Variants in CIT observed in about 807,000 individuals in gnomAD.
The protein encoded by CIT is citron Rho-interacting kinase.
Under a neutral mutation model 272.7 loss-of-function variants are expected in CIT, and 79 were observed. That is an observed-to-expected ratio of 0.29 (90% CI 0.24 to 0.35). The LOEUF (loss-of-function observed/expected upper bound fraction) is 0.35, where lower values mean the gene tolerates loss of function less well. CIT is among the 10% of genes least tolerant of loss of function. The pLI, the probability that CIT is intolerant of heterozygous loss-of-function variation, is 1.00. For synonymous variants in CIT, 948 were observed against 995.6 expected (o/e 0.95, Z 0.90); for missense variants, 1,909 against 2,618.3 (o/e 0.73, Z 5.91).
chr12:119,689,193 AC>A (rs869034203), intron 47 of CIT, among the ~76,000 whole-genome samples: 2 of 65,490 alleles, frequency 3.1e-5, no homozygotes, highest in Non-Finnish European at 6.7e-5. Context: ...ACAAAACAAA[AC>A]AAACAAACAA....
chr12:119,698,095 G>T, intron 44 of CIT, 41 bp from the exon 45 acceptor site: 1 of 1,567,962 alleles, frequency 6.4e-7, no homozygotes, highest in Non-Finnish European at 8.8e-7. Flanking sequence ...GCCAAAGAAT[G>T]GTGAAAAGAG....
Position 119,822,972 on chromosome 12 carries a change from C to T in CIT, c.959G>A (p.Arg320Gln), listed in dbSNP as rs766974570. 1.0e-5 allele frequency: 16 copies of T among 1,599,912 alleles called. 1 individual carries two copies. In the South Asian group the frequency reaches 1.1e-4, roughly 11 times the overall value. ...GGGGTCATCTGGAAATTTCAAAAAC[C>T]GCTGTTCCAAAAAAAATAAGAGAAT... is the stretch of plus-strand genomic sequence containing the variant. ...RTFNNIMNFQ[R>Q]FLKFPDDPKV... The change falls in exon 9 of 48, where the codon CGG becomes CAG. Residue 320 changes from arginine (R) to glutamine (Q), a missense_variant and splice_region_variant. Arg to Gln is a conservative substitution (Grantham distance 43, BLOSUM62 1). This residue lies in a region of CIT where 529 missense variants were observed against 549.6 expected (regional missense o/e 0.96). Coordinates refer to ENST00000392521, the MANE Select transcript of CIT (RefSeq NM_001206999.2).
intron 12 of CIT, 128 bp downstream of exon 12, chr12:119,783,780 G>A: frequency 7.6e-6 from 9 of 1,189,876 alleles, no homozygotes; most frequent in Non-Finnish European, 1.0e-5. Context: ...TCTTGCTTTT[G>A]TGCTCTCCCT....
chr12:119,783,690 T>G (rs1381273655), intron 12 of CIT: 1 of 479,076 alleles, frequency 2.1e-6, no homozygotes, highest in Non-Finnish European at 3.6e-6. Flanking sequence ...GCCGTCTACC[T>G]GCACTTTCTG....
At chr12:119,821,115 G>C (rs538582434) in intron 9 of CIT, among the ~76,000 whole-genome samples, 943 of 86,798 alleles carry the variant, frequency 0.011, 10 homozygotes, top group African/African-American at 0.034. Flanking sequence ...GACCAACATG[G>C]AAAAACCCTG....
intron 3 of CIT, among the ~76,000 whole-genome samples, chr12:119,863,201 CA>C (rs751421292): frequency 0.031 from 1,242 of 40,526 alleles, 6 homozygotes; most frequent in Non-Finnish European, 0.046. Flanking sequence ...GACTCTGTAT[CA>C]AAAAAAAAAA....
chr12:119,845,459 C>T (rs1293104347), intron 5 of CIT, among the ~76,000 whole-genome samples: 1 of 151,646 alleles, frequency 6.6e-6, no homozygotes, highest in Non-Finnish European at 1.5e-5. Flanking sequence ...TAGAAACCAG[C>T]CTGGCCAACA....
At position 119,710,058 on chromosome 12, in the gene CIT, C is replaced by A. The variant is rs1565919632; in HGVS notation, c.5071+193G>T. Among the ~76,000 whole-genome samples, 1 of 152,100 alleles carries A rather than the reference C, an allele frequency of 6.6e-6. No individual in the cohort carries two copies. The highest frequency in any genetic ancestry group is 1.5e-5 in the Non-Finnish European group (1 of 68,034). Reference sequence around the variant, plus strand: ...TTTGGGAATGTCAGACTGTGCTAAACTGGATACTGGAAGGGAACTGAATCT... The same window carrying A: ...TTTGGGAATGTCAGACTGTGCTAAAATGGATACTGGAAGGGAACTGAATCT... On this transcript the variant is annotated intron_variant, in intron 39 of 47. Coordinates refer to ENST00000392521, the MANE Select transcript of CIT (RefSeq NM_001206999.2). This position sits in a 1 kb window ranked among gnomAD's most constrained non-coding sequence, Gnocchi z 5.6.
chr12:119,765,375 A>G (rs59595036), intron 19 of CIT, among the ~76,000 whole-genome samples: 11,230 of 145,804 alleles, frequency 0.077, 1,048 homozygotes, highest in African/African-American at 0.22. Flanking sequence ...TATTATATAT[A>G]ATATAATATA....
intron 18 of CIT, among the ~76,000 whole-genome samples, chr12:119,769,517 A>G (rs1962845505): frequency 6.6e-6 from 1 of 152,240 alleles, no homozygotes; most frequent in African/African-American, 2.4e-5. Flanking sequence ...AAACAGAGAA[A>G]CACTTTGCAA....
rs760219679 is a variant in CIT, at chr12:119,796,983, TG to T, written c.1295+6222del. ...AGTCATTTCAGTATTGTTGAAGAGG[TG>T]GAAAAAAGAGGTGTTGAGTGCAGGC... On this transcript the variant is annotated intron_variant, in intron 10 of 47. Coordinates refer to ENST00000392521, the MANE Select transcript of CIT (RefSeq NM_001206999.2). Among the ~76,000 whole-genome samples, 229 of 152,128 alleles carry T rather than the reference TG, an allele frequency of 1.5e-3. 7 individuals carry two copies. The highest frequency in any genetic ancestry group is 4.6e-4 in the Non-Finnish European group (31 of 68,012).
chr12:119,761,698 T>G (rs930916166), intron 19 of CIT, among the ~76,000 whole-genome samples: 3 of 152,118 alleles, frequency 2.0e-5, no homozygotes, highest in African/African-American at 7.2e-5. Flanking sequence ...CCTGGTTCTT[T>G]CCTCTGATCC....
intron 9 of CIT, among the ~76,000 whole-genome samples, chr12:119,810,770 G>A (rs1308040220): frequency 6.6e-6 from 1 of 151,886 alleles, no homozygotes; most frequent in East Asian, 1.9e-4. Flanking sequence ...GATTTTGATG[G>A]GAGTTCTTAT....
At chr12:119,819,269 G>C (rs1254721277) in intron 9 of CIT, among the ~76,000 whole-genome samples, 3 of 152,160 alleles carry the variant, frequency 2.0e-5, no homozygotes, top group Non-Finnish European at 4.4e-5. Flanking sequence ...CAGAGTGTTC[G>C]ACTTGCTGGA....
At position 119,688,048 on chromosome 12, in the gene CIT, C is replaced by T. The variant is rs1309693390; in HGVS notation, c.*184G>A. ...GGCAGGCACCGGGCGCTGACAGCTC[C>T]GAAGAGCCTCAGCCACCTGCCCCTC... On this transcript the variant is annotated 3_prime_UTR_variant, in exon 48 of 48. Transcript: ENST00000392521. 17 of 649,134 alleles carry T rather than the reference C, an allele frequency of 2.6e-5. No homozygotes were observed. Among genetic ancestry groups the T allele is most frequent in the South Asian group, 3.7e-5 (2 of 53,732 alleles). 40.2% of individuals were successfully genotyped at this position (649,134 alleles called of 1,614,324 possible).
intron 16 of CIT, among the ~76,000 whole-genome samples, chr12:119,774,710 T>C (rs1365863682): frequency 6.6e-6 from 1 of 152,236 alleles, no homozygotes; most frequent in East Asian, 1.9e-4. Context: ...CAGTGGCTCA[T>C]GCCTGTAATC....
chr12:119,717,670 C>G (rs1957581400), intron 32 of CIT, among the ~76,000 whole-genome samples: 1 of 151,668 alleles, frequency 6.6e-6, no homozygotes, highest in Admixed American at 6.6e-5. Flanking sequence ...ATCCGCCTGC[C>G]TCAGCATCCC....
chr12:119,689,221 T>A (rs1194558256), intron 47 of CIT, among the ~76,000 whole-genome samples: 1 of 146,574 alleles, frequency 6.8e-6, no homozygotes, highest in African/African-American at 2.6e-5. Flanking sequence ...AAACAAAAAG[T>A]GGGGGAAAAA....
intron 7 of CIT, 64 bp downstream of exon 7, chr12:119,832,707 C>T: frequency 7.3e-7 from 1 of 1,372,600 alleles, no homozygotes; most frequent in Non-Finnish European, 1.0e-6. Context: ...ACTTCCCAAA[C>T]TTAGGAGGAC....
Sources: allele counts gnomAD v4.1 joint callset (sites outside exome capture counted in the v4.1 genomes callset), GRCh38; gene constraint gnomAD v4.1.1; regional missense constraint gnomAD v4.1.1; non-coding constraint Gnocchi (gnomAD v3.1); transcripts MANE v1.5; gene names NCBI Gene and HGNC (gene_info 2026-07-23, HGNC 2026-07-21).